GPT2: variants seen among roughly 807,000 people sequenced by gnomAD.
GPT2 encodes glutamic--pyruvic transaminase 2.
A neutral mutation model predicts 56.9 loss-of-function variants in GPT2; 30 were observed. The ratio of observed to expected loss-of-function variants is 0.53; its 90% CI spans 0.39 to 0.72. The LOEUF (loss-of-function observed/expected upper bound fraction) is 0.72, where lower values mean the gene tolerates loss of function less well. Among genes scored for constraint, GPT2 ranks in the 30% least tolerant of loss-of-function variants. The pLI, the probability that GPT2 is intolerant of heterozygous loss-of-function variation, is 0.00. For missense variants in GPT2, 542 were observed against 703.4 expected (o/e 0.77, Z 2.60); for synonymous variants, 271 against 283.1 (o/e 0.96, Z 0.43).
intron 6 of GPT2, 52 bp from the exon 7 acceptor site, chr16:46,916,576 C>A: frequency 1.5e-6 from 2 of 1,373,880 alleles, no homozygotes; most frequent in Non-Finnish European, 2.1e-6. Flanking sequence ...GACCTGGGGA[C>A]AATTTAAACA....
Position 46,885,408 on chromosome 16 carries a change from G to T in GPT2, c.243+450G>T, listed in dbSNP as rs1028276333. ...GTAGGAGGGGAGACGGGGTGGGGGGGGCTCTGCGGAAAGTTGGTTCTGTTC... is the reference window on the plus strand; with the variant it reads ...GTAGGAGGGGAGACGGGGTGGGGGGTGCTCTGCGGAAAGTTGGTTCTGTTC... On this transcript the variant is annotated intron_variant, in intron 2 of 11. Transcript: ENST00000340124. The T allele has an allele frequency of 3.9e-5, 33 of 842,260 alleles. 1 individual carries two copies. The East Asian group carries it at 2.1e-3, about 53-fold the overall frequency. 52.2% of individuals were successfully genotyped at this position (842,260 alleles called of 1,614,324 possible).
intron 2 of GPT2, among the ~76,000 whole-genome samples, chr16:46,889,053 C>G (rs1033642356): frequency 1.3e-5 from 2 of 151,340 alleles, no homozygotes; most frequent in African/African-American, 4.9e-5. Flanking sequence ...CGAAAGGATT[C>G]CATAGCTCTG....
intron 4 of GPT2, among the ~76,000 whole-genome samples, chr16:46,902,246 C>T (rs995652672): frequency 6.6e-6 from 1 of 152,200 alleles, no homozygotes; most frequent in African/African-American, 2.4e-5. Flanking sequence ...AGTTGGCCCT[C>T]ATGGTTTTTG....
At chr16:46,895,460 G>A (rs1405211468) in intron 2 of GPT2, among the ~76,000 whole-genome samples, 1 of 151,536 alleles carries the variant, frequency 6.6e-6, no homozygotes, top group Non-Finnish European at 1.5e-5. Context: ...GGGAGGTGGA[G>A]GTTGCAGTGA....
intron 4 of GPT2, among the ~76,000 whole-genome samples, chr16:46,905,846 AC>A (rs980214509): frequency 2.0e-5 from 3 of 151,870 alleles, no homozygotes; most frequent in Non-Finnish European, 4.4e-5. Context: ...TCTAGTCAAT[AC>A]CCCCACCCCA....
At chr16:46,905,001 G>C (rs770617683) in intron 4 of GPT2, among the ~76,000 whole-genome samples, 9 of 151,836 alleles carry the variant, frequency 5.9e-5, no homozygotes, top group Non-Finnish European at 1.3e-4. Context: ...TTACAGCTGT[G>C]CAGAGCCCAA....
At position 46,922,319 on chromosome 16, in the gene GPT2, C is replaced by T. The variant is rs1961304038; in HGVS notation, c.1115C>T (p.Ser372Leu). The T allele has an allele frequency of 6.2e-7, 1 of 1,614,212 alleles. No individual in the cohort carries two copies. The highest frequency in any genetic ancestry group is 8.5e-7 in the Non-Finnish European group (1 of 1,180,026). Residue 372 changes from serine to leucine, a missense_variant, in exon 9 of 12, where the codon TCG (serine) becomes TTG (leucine). Coordinates refer to ENST00000340124, the MANE Select transcript of GPT2 (RefSeq NM_133443.4). The stretch of plus-strand genomic sequence containing the variant: ...AAGGGCCAGCTGGTGAAGCTGCTGT[C>T]GGTGCGCCTGTGCCCCCCAGTGTCT... The part of the protein sequence containing the change: ...EIKGQLVKLL[S>L]VRLCPPVSGQ...
At chr16:46,924,641 C>A in intron 10 of GPT2, 97 bp downstream of exon 10, 1 of 1,335,878 alleles carries the variant, frequency 7.5e-7, no homozygotes, top group South Asian at 1.3e-5. Flanking sequence ...AAGTGCTGGC[C>A]CTGGAGGCTC....
chr16:46,907,406 A>C (rs1960952373), intron 5 of GPT2, among the ~76,000 whole-genome samples: 1 of 152,248 alleles, frequency 6.6e-6, no homozygotes, highest in Non-Finnish European at 1.5e-5. Flanking sequence ...TCTCTTCTGC[A>C]GTAGAGAAGG....
chr16:46,884,636 A>C, intron 1 of GPT2, 58 bp from the exon 2 acceptor site: 1 of 1,315,410 alleles, frequency 7.6e-7, no homozygotes, highest in South Asian at 2.8e-5. Context: ...TGTGTGGGGG[A>C]GTGCTGCACG....
At chr16:46,926,421 C>T (rs1961413895) in intron 10 of GPT2, among the ~76,000 whole-genome samples, 1 of 151,948 alleles carries the variant, frequency 6.6e-6, no homozygotes, top group Admixed American at 6.6e-5. Flanking sequence ...TGCACTCCAG[C>T]CTGGGTGACA....
rs1961359373 is a variant in GPT2, at chr16:46,924,419, A to G, written c.1243A>G (p.Lys415Glu). The change falls in exon 10 of 12, where the codon AAA becomes GAA. Residue 415 changes from lysine to glutamate, a missense_variant. Transcript: ENST00000340124. ...EKESVLGNLAKKAKLTEDLFN... is the reference protein window; with the variant it reads ...EKESVLGNLAEKAKLTEDLFN... The stretch of plus-strand genomic sequence containing the variant: ...GGAGTCGGTCCTGGGTAATCTGGCC[A>G]AAAAAGCAAAGCTGACGGAAGACCT... 3 of 1,614,040 alleles carry G rather than the reference A, an allele frequency of 1.9e-6. No homozygotes were observed. Among genetic ancestry groups the G allele is most frequent in the African/African-American group, 1.3e-5 (1 of 74,932 alleles).
rs139149433 is a variant in GPT2, at chr16:46,923,151, G to A, written c.1212+735G>A. On this transcript the variant is annotated intron_variant, in intron 9 of 11. Transcript: ENST00000340124. ...CCCTTCTCTCTGCACTCACCTCCTC[G>A]AGATTCCTCATATAAATGGAGTCAT... Among the ~76,000 whole-genome samples, 536 of 152,094 alleles carry A rather than the reference G, an allele frequency of 3.5e-3. 2 individuals are homozygous for A. The highest frequency in any genetic ancestry group is 3.6e-3 in the Non-Finnish European group (247 of 68,010).
At chr16:46,892,709 G>T (rs1266633009) in intron 2 of GPT2, among the ~76,000 whole-genome samples, 1 of 152,060 alleles carries the variant, frequency 6.6e-6, no homozygotes, top group Non-Finnish European at 1.5e-5. Context: ...TTGACGATTT[G>T]TGTGTCTTTT....
chr16:46,909,729 G>A lies in GPT2; in HGVS notation c.622G>A (p.Gly208Ser). The stretch of plus-strand genomic sequence containing the variant: ...CTCCGGGGGCGGCAAGTCACGGACA[G>A]GTGTGATGATCCCCATCCCACAATA... Reference protein sequence around the residue: ...LVSGGGKSRTGVMIPIPQYPL... With the variant: ...LVSGGGKSRTSVMIPIPQYPL... The change falls in exon 6 of 12, where the codon GGT becomes AGT. Residue 208 changes from glycine (G) to serine (S), a missense_variant. Physicochemically the swap from Gly to Ser is moderately conservative, Grantham distance 56. Transcript: ENST00000340124. The A allele has an allele frequency of 1.9e-6, 3 of 1,614,108 alleles. No homozygotes were observed. Among genetic ancestry groups the A allele is most frequent in the South Asian group, 1.1e-5 (1 of 91,084 alleles).
chr16:46,884,646 G>T (rs1166458127), intron 1 of GPT2, 48 bp from the exon 2 acceptor site: 2 of 1,345,858 alleles, frequency 1.5e-6, no homozygotes, highest in South Asian at 2.4e-5. Flanking sequence ...AGTGCTGCAC[G>T]CCTGGGCAGT....
chr16:46,927,139 G>C (rs1961434080), intron 11 of GPT2, 102 bp downstream of exon 11: 2 of 677,356 alleles, frequency 3.0e-6, no homozygotes, highest in Admixed American at 3.1e-5. Flanking sequence ...GAGAGGTGCG[G>C]AGACCCTGTC....
chr16:46,896,583 C>A (rs140888208), intron 2 of GPT2, among the ~76,000 whole-genome samples: 509 of 152,258 alleles, frequency 3.3e-3, no homozygotes, highest in African/African-American at 0.012. Flanking sequence ...GTGTCCCTGG[C>A]TAGTCATTTA....
intron 4 of GPT2, among the ~76,000 whole-genome samples, chr16:46,905,709 C>G (rs1237099475): frequency 6.6e-6 from 1 of 152,116 alleles, no homozygotes; most frequent in African/African-American, 2.4e-5. Flanking sequence ...TTAAAAAAAT[C>G]TTTTTTATGG....
Sources: allele counts gnomAD v4.1 joint callset (sites outside exome capture counted in the v4.1 genomes callset), GRCh38; gene constraint gnomAD v4.1.1; transcripts MANE v1.5; gene names NCBI Gene and HGNC (gene_info 2026-07-23, HGNC 2026-07-21).